TACC2: variants seen among roughly 807,000 people sequenced by gnomAD.
The protein encoded by TACC2 is transforming acidic coiled-coil containing protein 2.
In TACC2, 137 loss-of-function variants were observed where a neutral mutation model predicts 227.3. The observed-to-expected ratio is 0.60, with a 90% CI of 0.52 to 0.69. The LOEUF (loss-of-function observed/expected upper bound fraction) is 0.69, where lower values mean the gene tolerates loss of function less well. Ranked by LOEUF, TACC2 falls within the 30% of genes least tolerant of loss-of-function variation. The probability of loss-of-function intolerance (pLI) is 0.00; values close to 1 mark genes in which losing one functional copy is unlikely to be tolerated. For missense variants in TACC2, 3,470 were observed against 3,694.4 expected, an observed-to-expected ratio of 0.94 and a Z score of 1.57; for synonymous variants, 1,523 against 1,487.5, an observed-to-expected ratio of 1.02 and a Z score of -0.55.
intron 7 of TACC2, among the ~76,000 whole-genome samples, chr10:122,144,089 G>A (rs1022806658): frequency 1.3e-5 from 2 of 152,178 alleles, no homozygotes; most frequent in Non-Finnish European, 2.9e-5. Context: ...CTGAAATAAT[G>A]CAGGGCAGGC....
intron 7 of TACC2, among the ~76,000 whole-genome samples, chr10:122,167,001 T>C (rs10749450): frequency 0.98 from 149,649 of 152,322 alleles, 73,538 homozygotes; most frequent in East Asian, 1. Context: ...CCATGTGGTG[T>C]GGCTTCTGCT....
chr10:122,115,218 A>C (rs1237351425), intron 5 of TACC2, among the ~76,000 whole-genome samples: 1 of 152,170 alleles, frequency 6.6e-6, no homozygotes, highest in Admixed American at 6.5e-5. Flanking sequence ...TGGGAGGTAG[A>C]TGGTGGTTGA....
At chr10:122,139,466 G>A (rs61873771) in intron 6 of TACC2, among the ~76,000 whole-genome samples, 11,158 of 152,236 alleles carry the variant, frequency 0.073, 523 homozygotes, top group Middle Eastern at 0.14. Flanking sequence ...TGGCTTTGGG[G>A]CTTTTCAGTG....
intron 3 of TACC2, among the ~76,000 whole-genome samples, chr10:122,073,662 G>A (rs985714667): frequency 1.3e-5 from 2 of 152,150 alleles, no homozygotes; most frequent in African/African-American, 4.8e-5. Flanking sequence ...TCTTCTTGTT[G>A]ACTCACGAGG....
intron 7 of TACC2, among the ~76,000 whole-genome samples, chr10:122,156,502 G>T (rs1224849634): frequency 2.6e-5 from 4 of 152,202 alleles, no homozygotes; most frequent in Non-Finnish European, 5.9e-5. Flanking sequence ...GGGATTACAG[G>T]CATGAGCCAC....
intron 11 of TACC2, among the ~76,000 whole-genome samples, chr10:122,223,206 C>T (rs1425951960): frequency 4.6e-5 from 7 of 151,728 alleles, no homozygotes; most frequent in Non-Finnish European, 8.8e-5. Flanking sequence ...GGTATGTGCC[C>T]GGCTAATTTT....
intron 3 of TACC2, among the ~76,000 whole-genome samples, chr10:122,061,261 A>AGAT (rs2076785346): frequency 1.5e-5 from 2 of 135,412 alleles, no homozygotes; most frequent in African/African-American, 5.5e-5. Context: ...CAGTGAGCCG[A>AGAT]GATGGCGCCA....
chr10:122,022,136 T>C (rs1957410854), intron 2 of TACC2, 122 bp downstream of exon 2: 1 of 912,844 alleles, frequency 1.1e-6, no homozygotes, highest in Non-Finnish European at 1.8e-6. Flanking sequence ...TCTGCGTAGA[T>C]GTGTGCGGGC....
intron 2 of TACC2, among the ~76,000 whole-genome samples, chr10:122,049,326 C>T (rs2075411470): frequency 6.6e-6 from 1 of 152,214 alleles, no homozygotes; most frequent in Non-Finnish European, 1.5e-5. Context: ...CGGTTTCGTC[C>T]ACCACAGCTG....
chr10:122,107,878 A>ATTTTTTTTTTTT (rs1204393563), intron 5 of TACC2, among the ~76,000 whole-genome samples: 1 of 88,448 alleles, frequency 1.1e-5, no homozygotes, highest in Non-Finnish European at 2.1e-5. Flanking sequence ...ATATATATAT[A>ATTTTTTTTTTTT]TATTTTTTTT....
At chr10:122,178,148 G>A (rs73372195) in intron 7 of TACC2, among the ~76,000 whole-genome samples, 5,337 of 152,206 alleles carry the variant, frequency 0.035, 319 homozygotes, top group African/African-American at 0.12. Context: ...CTGCTTTCTG[G>A]CTCATAGCAC....
chr10:122,082,219 C>T (rs1420357186), intron 3 of TACC2, among the ~76,000 whole-genome samples: 1 of 152,110 alleles, frequency 6.6e-6, no homozygotes, highest in Non-Finnish European at 1.5e-5. Flanking sequence ...GAGGTGGGAG[C>T]ACTGCTTGAG....
chr10:122,138,732 T>C (rs2090077314), intron 6 of TACC2, among the ~76,000 whole-genome samples: 1 of 152,220 alleles, frequency 6.6e-6, no homozygotes, highest in South Asian at 2.1e-4. Flanking sequence ...GTTTCCATTG[T>C]CTGTCTGGCT....
intron 8 of TACC2, among the ~76,000 whole-genome samples, chr10:122,203,834 C>T (rs1199287053): frequency 2.0e-5 from 3 of 152,060 alleles, no homozygotes; most frequent in African/African-American, 4.8e-5. Context: ...TGTAGCGAGC[C>T]GAGATCACGC....
intron 7 of TACC2, among the ~76,000 whole-genome samples, chr10:122,147,388 G>A (rs554416502): frequency 3.9e-5 from 6 of 152,098 alleles, no homozygotes; most frequent in South Asian, 2.1e-4. Flanking sequence ...CAAGTGACCC[G>A]TCCGCCTTGA....
chr10:122,155,543 A>G (rs1000338166), intron 7 of TACC2, among the ~76,000 whole-genome samples: 5 of 152,202 alleles, frequency 3.3e-5, no homozygotes, highest in Admixed American at 6.5e-5. Flanking sequence ...GATCCTAGAC[A>G]GATACAGTCA....
intron 8 of TACC2, among the ~76,000 whole-genome samples, chr10:122,196,568 G>T (rs945979440): frequency 6.6e-6 from 1 of 152,138 alleles, no homozygotes; most frequent in Non-Finnish European, 1.5e-5. Flanking sequence ...TATTTTGTAT[G>T]ACCAAGCATA....
chr10:122,135,939 C>A (rs1297316138), intron 6 of TACC2, among the ~76,000 whole-genome samples: 3 of 152,172 alleles, frequency 2.0e-5, no homozygotes, highest in African/African-American at 7.2e-5. Flanking sequence ...TGCTGAAGTC[C>A]CCTCCTAAGT....
At chr10:122,169,578 T>C (rs2093363887) in intron 7 of TACC2, among the ~76,000 whole-genome samples, 1 of 152,240 alleles carries the variant, frequency 6.6e-6, no homozygotes, top group African/African-American at 2.4e-5. Flanking sequence ...TGTAGTTTGC[T>C]GATTCCTGGT....
Sources: gnomAD v4.1 joint callset for allele counts (sites outside exome capture counted in the v4.1 genomes callset) on GRCh38, gnomAD v4.1.1 for gene constraint, MANE v1.5 for transcripts, NCBI Gene and HGNC (gene_info 2026-07-23, HGNC 2026-07-21) for gene names.